The following RNGTT variants were observed in gnomAD, a reference collection of about 807,000 sequenced individuals.
The protein encoded by RNGTT is mRNA-capping enzyme.
Under a neutral mutation model 79.3 loss-of-function variants are expected in RNGTT, and 33 were observed. The ratio of observed to expected loss-of-function variants is 0.42; its 90% CI spans 0.32 to 0.56. The LOEUF (loss-of-function observed/expected upper bound fraction) is 0.56, where lower values mean the gene tolerates loss of function less well. Ranked by LOEUF, RNGTT falls within the 20% of genes least tolerant of loss-of-function variation. RNGTT has a pLI of 0.17. For missense variants in RNGTT, 497 were observed against 739.1 expected (o/e 0.67, Z 3.80); for synonymous variants, 222 against 235.9 (o/e 0.94, Z 0.54).
chr6:88,703,583 C>T (rs1776016415), intron 13 of RNGTT, among the ~76,000 whole-genome samples: 1 of 152,168 alleles, frequency 6.6e-6, no homozygotes, highest in Admixed American at 6.5e-5. Flanking sequence ...CTGTTGGGTA[C>T]TATGCTCAGT....
At chr6:88,925,760 C>T (rs1288394728) in intron 4 of RNGTT, among the ~76,000 whole-genome samples, 1 of 152,128 alleles carries the variant, frequency 6.6e-6, no homozygotes, top group African/African-American at 2.4e-5. Flanking sequence ...GTAGTCCCAG[C>T]AACTCAGGAG....
chr6:88,906,983 G>C (rs1307175094), intron 4 of RNGTT, among the ~76,000 whole-genome samples: 1 of 152,060 alleles, frequency 6.6e-6, no homozygotes, highest in Non-Finnish European at 1.5e-5. Context: ...ATCAACAAAA[G>C]TGACTAGCTA....
At chr6:88,829,712 A>C (rs1780789501) in intron 11 of RNGTT, among the ~76,000 whole-genome samples, 1 of 150,916 alleles carries the variant, frequency 6.6e-6, no homozygotes, top group South Asian at 2.1e-4. Flanking sequence ...AAAAAAAAAA[A>C]AAAAAAAAAA....
chr6:88,895,298 G>A (rs79215956), intron 6 of RNGTT, among the ~76,000 whole-genome samples: 2,844 of 149,256 alleles, frequency 0.019, 83 homozygotes, highest in African/African-American at 0.066. Context: ...AAGAATATAC[G>A]TACAACAGGC....
At chr6:88,650,514 A>G (rs2127777552) in intron 14 of RNGTT, among the ~76,000 whole-genome samples, 1 of 152,352 alleles carries the variant, frequency 6.6e-6, no homozygotes, top group South Asian at 2.1e-4. Flanking sequence ...TTTTAATTCC[A>G]GCTATGCTCA....
At chr6:88,891,944 G>T in intron 6 of RNGTT, 29 bp from the exon 7 acceptor site, 1 of 1,394,142 alleles carries the variant, frequency 7.2e-7, no homozygotes, top group Non-Finnish European at 9.7e-7. Flanking sequence ...AAAAATAAGG[G>T]AAAGAAAAAT....
At chr6:88,811,450 T>G (rs1219289768) in intron 11 of RNGTT, among the ~76,000 whole-genome samples, 13 of 152,104 alleles carry the variant, frequency 8.5e-5, no homozygotes. Context: ...ACCATATGAT[T>G]GACTCTGAGT....
intron 13 of RNGTT, among the ~76,000 whole-genome samples, chr6:88,717,383 G>T (rs1022357005): frequency 6.6e-6 from 1 of 152,206 alleles, no homozygotes; most frequent in Admixed American, 6.5e-5. Flanking sequence ...AAAGATCTCA[G>T]ATGGATACAA....
At chr6:88,902,690 C>CTTTTTTTT (rs71024315) in intron 6 of RNGTT, among the ~76,000 whole-genome samples, 1 of 82,706 alleles carries the variant, frequency 1.2e-5, no homozygotes, top group Non-Finnish European at 2.2e-5. Context: ...ATAGTGAAAT[C>CTTTTTTTT]TTTTTTTTTT....
chr6:88,666,574 T>C (rs1217701573), intron 14 of RNGTT, among the ~76,000 whole-genome samples: 1 of 152,160 alleles, frequency 6.6e-6, no homozygotes, highest in South Asian at 2.1e-4. Flanking sequence ...TTTGTAACAA[T>C]GAACCCCGCC....
intron 13 of RNGTT, among the ~76,000 whole-genome samples, chr6:88,703,517 C>G (rs747039746): frequency 2.6e-5 from 4 of 152,048 alleles, no homozygotes; most frequent in Non-Finnish European, 4.4e-5. Context: ...ATGGCAACAA[C>G]AGACAACGGG....
chr6:88,826,368 C>T (rs147647033), intron 11 of RNGTT, among the ~76,000 whole-genome samples: 9 of 152,240 alleles, frequency 5.9e-5, no homozygotes, highest in Non-Finnish European at 1.2e-4. Context: ...CTTAAACCTA[C>T]GAGTTTAACG....
chr6:88,917,245 A>AGGGG (rs1784029194), intron 4 of RNGTT, among the ~76,000 whole-genome samples: 1 of 152,242 alleles, frequency 6.6e-6, no homozygotes, highest in Non-Finnish European at 1.5e-5. Context: ...CAAATCACCA[A>AGGGG]TTTCTACATT....
At chr6:88,651,692 C>T (rs572121492) in intron 14 of RNGTT, among the ~76,000 whole-genome samples, 30 of 151,876 alleles carry the variant, frequency 2.0e-4, no homozygotes, top group Non-Finnish European at 3.8e-4. Flanking sequence ...TATATAAATA[C>T]ATTAAATTTA....
At chr6:88,876,726 T>A (rs1471244006) in intron 8 of RNGTT, among the ~76,000 whole-genome samples, 2 of 152,206 alleles carry the variant, frequency 1.3e-5, no homozygotes, top group Admixed American at 6.5e-5. Context: ...GGGGAAAAAA[T>A]GTTTGAAAAT....
chr6:88,886,213 G>A (rs1379956218), intron 8 of RNGTT, among the ~76,000 whole-genome samples: 6 of 152,196 alleles, frequency 3.9e-5, no homozygotes, highest in African/African-American at 1.2e-4. Context: ...GGCTGAGGCA[G>A]GAGAATGGCG....
At chr6:88,814,416 T>C (rs1252687017) in intron 11 of RNGTT, among the ~76,000 whole-genome samples, 1 of 152,222 alleles carries the variant, frequency 6.6e-6, no homozygotes, top group Non-Finnish European at 1.5e-5. Flanking sequence ...TGCCCTTCAC[T>C]GTCTATAGTC....
intron 12 of RNGTT, among the ~76,000 whole-genome samples, chr6:88,796,261 A>G (rs1779598429): frequency 6.6e-6 from 1 of 152,164 alleles, no homozygotes; most frequent in Non-Finnish European, 1.5e-5. Flanking sequence ...TTTAAAGTAT[A>G]TATGTGGATC....
chr6:88,802,330 C>T (rs988809709), intron 11 of RNGTT, among the ~76,000 whole-genome samples: 1 of 151,582 alleles, frequency 6.6e-6, no homozygotes, highest in Non-Finnish European at 1.5e-5. Flanking sequence ...AAAGAATACA[C>T]CGTGAAAAAT....
Sources: allele counts gnomAD v4.1 joint callset (sites outside exome capture counted in the v4.1 genomes callset), GRCh38; gene constraint gnomAD v4.1.1; transcripts MANE v1.5; gene names NCBI Gene and HGNC (gene_info 2026-07-23, HGNC 2026-07-21).